MAP3K1: variants seen among roughly 807,000 people sequenced by gnomAD.
MAP3K1 encodes the protein MAP/ERK kinase kinase 1.
A neutral mutation model predicts 144.2 loss-of-function variants in MAP3K1; 36 were observed. The ratio of observed to expected loss-of-function variants is 0.25; its 90% confidence interval spans 0.19 to 0.33. MAP3K1 has a LOEUF of 0.33. Among genes scored for constraint, MAP3K1 ranks in the 10% least tolerant of loss-of-function variants. The pLI is 1.00. For synonymous variants in MAP3K1, 718 were observed against 688.7 expected, an observed-to-expected ratio of 1.04 and a Z score of -0.67; for missense variants, 1,650 against 1,881.9, an observed-to-expected ratio of 0.88 and a Z score of 2.28.
intron 19 of MAP3K1, among the ~76,000 whole-genome samples, chr5:56,889,913 A>G (rs773852090): frequency 1.3e-5 from 2 of 152,124 alleles, no homozygotes; most frequent in Non-Finnish European, 2.9e-5. Context: ...CTCTCTGACA[A>G]TACCTGTTTT....
At chr5:56,820,652 G>T (rs1421894995) in intron 1 of MAP3K1, 2 of 985,144 alleles carry the variant, frequency 2.0e-6, no homozygotes, top group Non-Finnish European at 2.4e-6. Flanking sequence ...AATTAATATG[G>T]TTCATTCATG....
intron 1 of MAP3K1, among the ~76,000 whole-genome samples, chr5:56,853,543 G>A (rs1024417071): frequency 1.3e-5 from 2 of 152,156 alleles, no homozygotes; most frequent in Middle Eastern, 3.2e-3. Context: ...GCGATAACAC[G>A]TGGTCCCCTC....
Position 56,894,928 on chromosome 5 carries a change from G to A in MAP3K1, c.*1248G>A. 1 of 232,016 alleles carries A rather than the reference G, an allele frequency of 4.3e-6. No individual in the cohort carries two copies. Among genetic ancestry groups the A allele is most frequent in the East Asian group, 6.1e-5 (1 of 16,326 alleles). The allele number at this position is 232,016 out of a possible 1,614,324, so 14.4% of individuals were successfully genotyped here. A position where few individuals can be genotyped will look rare whatever the true frequency, so the allele number is the denominator to read the frequency against. ...AGTTACCTAACGGTTTTAGTCTGGA[G>A]TTAAATTCAGATGCATGGAATCCTG... is the stretch of plus-strand genomic sequence containing the variant. On this transcript the variant is annotated 3_prime_UTR_variant, in exon 20 of 20. Transcript: ENST00000399503.
intron 1 of MAP3K1, among the ~76,000 whole-genome samples, chr5:56,850,797 G>T (rs1257601178): frequency 2.0e-5 from 3 of 152,196 alleles, no homozygotes; most frequent in African/African-American, 4.8e-5. Flanking sequence ...CTAATCCATT[G>T]TCTGGCATGT....
intron 1 of MAP3K1, among the ~76,000 whole-genome samples, chr5:56,819,791 T>C (rs920856516): frequency 3.3e-5 from 5 of 152,242 alleles, no homozygotes; most frequent in Admixed American, 1.3e-4. Flanking sequence ...AGTATAGACT[T>C]GGTTGTTTTC....
intron 1 of MAP3K1, among the ~76,000 whole-genome samples, chr5:56,855,526 C>T (rs751041903): frequency 3.9e-5 from 6 of 152,116 alleles, no homozygotes; most frequent in South Asian, 2.1e-4. Flanking sequence ...TTCAGTGAAA[C>T]GGGTTAACCG....
Position 56,815,607 on chromosome 5 carries a change from T to C in MAP3K1, c.34T>C (p.Ser12Pro), listed in dbSNP as rs1345890763. 9 of 1,310,214 alleles carry C rather than the reference T, an allele frequency of 6.9e-6. No homozygotes were observed. Among genetic ancestry groups the C allele is most frequent in the Non-Finnish European group, 8.7e-6 (9 of 1,030,518 alleles). The allele number at this position is 1,310,214 out of a possible 1,614,324, so 81.2% of individuals were successfully genotyped here. ...GGCGGCGGGGAATCGCGCCTCGTCG[T>C]CGGGATTCCCGGGCGCCAGGGCTAC... ...AAAAGNRASS[S>P]GFPGARATSP... is the part of the protein sequence containing the mutation. The change falls in exon 1 of 20, where the codon TCG (serine) becomes CCG (proline). Residue 12 changes from serine (S) to proline (P), a missense_variant. By Grantham distance (74) the Ser-to-Pro change is moderately conservative. Around this residue, in one of 6 missense-constraint regions of MAP3K1, gnomAD observed 360 missense variants for 274.7 expected, o/e 1.31. Transcript: ENST00000399503.
At chr5:56,836,226 G>T (rs1746651593) in intron 1 of MAP3K1, among the ~76,000 whole-genome samples, 2 of 152,060 alleles carry the variant, frequency 1.3e-5, no homozygotes, top group Non-Finnish European at 2.9e-5. Flanking sequence ...CCTCTGAGTG[G>T]CTCTTGTGTT....
chr5:56,888,039 C>T (rs1426926450), intron 18 of MAP3K1, 187 bp from the exon 19 acceptor site: 1 of 620,142 alleles, frequency 1.6e-6, no homozygotes, highest in Non-Finnish European at 2.8e-6. Context: ...CACAATTCTC[C>T]AAAATATTTT....
intron 1 of MAP3K1, among the ~76,000 whole-genome samples, chr5:56,818,714 A>C (rs374167482): frequency 6.6e-6 from 1 of 152,186 alleles, no homozygotes; most frequent in Non-Finnish European, 1.5e-5. Context: ...TGAACAGCCT[A>C]TTGTGAGTTT....
chr5:56,856,169 C>T (rs1379661867), intron 1 of MAP3K1, among the ~76,000 whole-genome samples: 2 of 152,148 alleles, frequency 1.3e-5, no homozygotes, highest in East Asian at 3.8e-4. Flanking sequence ...AGTTAAGTTT[C>T]ACTTCACTTA....
intron 1 of MAP3K1, among the ~76,000 whole-genome samples, chr5:56,843,192 C>T (rs914092658): frequency 1.3e-5 from 2 of 152,184 alleles, no homozygotes; most frequent in African/African-American, 2.4e-5. Flanking sequence ...CTTCACCCCC[C>T]ACCCACCAGT....
chr5:56,877,307 C>G (rs529329011), intron 10 of MAP3K1, among the ~76,000 whole-genome samples: 2 of 152,164 alleles, frequency 1.3e-5, no homozygotes, highest in South Asian at 4.1e-4. Flanking sequence ...TTGTACACAC[C>G]GTAACTGCCT....
intron 1 of MAP3K1, among the ~76,000 whole-genome samples, chr5:56,824,467 A>G (rs968440965): frequency 2.0e-5 from 3 of 152,250 alleles, no homozygotes; most frequent in African/African-American, 7.2e-5. Flanking sequence ...TGCAAGAGGC[A>G]GGTTCCCCAA....
intron 6 of MAP3K1, among the ~76,000 whole-genome samples, chr5:56,866,462 C>T (rs1033201732): frequency 6.6e-6 from 1 of 152,032 alleles, no homozygotes; most frequent in Admixed American, 6.6e-5. Context: ...TGTTAAAGGT[C>T]ATGTGAGTGT....
chr5:56,893,893 A>G lies in MAP3K1; in HGVS notation c.*213A>G. 1 of 586,674 alleles carries G rather than the reference A, an allele frequency of 1.7e-6. No homozygotes were observed. The highest frequency in any genetic ancestry group is 3.0e-6 in the Non-Finnish European group (1 of 328,530). The allele number at this position is 586,674 out of a possible 1,614,324, so 36.3% of individuals were successfully genotyped here. On this transcript the variant is annotated 3_prime_UTR_variant, in exon 20 of 20. Transcript: ENST00000399503. ...GCCCAAACTAGTGCAGAAACTGTAA[A>G]CTGTGCCTTTCAAAGAACTGGCCCT...
intron 6 of MAP3K1, 23 bp from the exon 7 acceptor site, chr5:56,871,887 C>G: frequency 6.2e-7 from 1 of 1,611,960 alleles, no homozygotes; most frequent in Non-Finnish European, 8.5e-7. Context: ...ATGCTTAATA[C>G]TTTTTCTTCC....
chr5:56,830,504 T>G (rs1358237385), intron 1 of MAP3K1, among the ~76,000 whole-genome samples: 1 of 152,220 alleles, frequency 6.6e-6, no homozygotes, highest in Non-Finnish European at 1.5e-5. Flanking sequence ...TGGGACTTGG[T>G]GTTCCAGGTT....
chr5:56,888,172 G>C, intron 18 of MAP3K1, 54 bp from the exon 19 acceptor site: 2 of 1,538,616 alleles, frequency 1.3e-6, no homozygotes, highest in Non-Finnish European at 9.0e-7. Context: ...CTACAAAATG[G>C]CCTTCTCTTT....
Sources: allele counts gnomAD v4.1 joint callset (sites outside exome capture counted in the v4.1 genomes callset), GRCh38; gene constraint gnomAD v4.1.1; regional missense constraint gnomAD v4.1.1; transcripts MANE v1.5; gene names NCBI Gene and HGNC (gene_info 2026-07-23, HGNC 2026-07-21).